The following PKNOX1 variants were observed in gnomAD, a reference collection of about 807,000 sequenced individuals.
PKNOX1 encodes the protein PBX/knotted 1 homeobox 1, also known as homeobox protein PKNOX1.
A neutral mutation model predicts 51.9 loss-of-function variants in PKNOX1; 15 were observed. The ratio of observed to expected loss-of-function variants is 0.29; its 90% CI spans 0.19 to 0.45. The LOEUF (loss-of-function observed/expected upper bound fraction) is 0.45. Among genes scored for constraint, PKNOX1 ranks in the 20% least tolerant of loss-of-function variants. The pLI is 1.00. For missense variants in PKNOX1, 462 were observed against 547.5 expected (o/e 0.84, Z 1.56); for synonymous variants, 219 against 211.1 (o/e 1.04, Z -0.32).
intron 10 of PKNOX1, 157 bp downstream of exon 10, chr21:43,029,031 A>G (rs1054518764): frequency 9.8e-6 from 7 of 712,484 alleles, no homozygotes; most frequent in Non-Finnish European, 1.5e-5. Context: ...AGGAAGCTGC[A>G]TTCTGCGTGC....
chr21:43,012,579 C>T (rs948940117), intron 4 of PKNOX1, among the ~76,000 whole-genome samples: 1 of 152,118 alleles, frequency 6.6e-6, no homozygotes, highest in African/African-American at 2.4e-5. Context: ...AAAAACAAAA[C>T]AAAACAAAAT....
At chr21:43,023,307 G>A (rs187107686) in intron 8 of PKNOX1, among the ~76,000 whole-genome samples, 1 of 152,124 alleles carries the variant, frequency 6.6e-6, no homozygotes, top group Non-Finnish European at 1.5e-5. Flanking sequence ...GTTAGTTTGA[G>A]GAAACAAACC....
chr21:42,995,658 T>C (rs1447507742), intron 1 of PKNOX1, among the ~76,000 whole-genome samples: 1 of 151,874 alleles, frequency 6.6e-6, no homozygotes, highest in East Asian at 1.9e-4. Context: ...AGCCTGGGAA[T>C]AGAGCAAGAA....
At position 43,030,110 on chromosome 21, in the gene PKNOX1, GCA is replaced by G; in HGVS notation, c.*10_*11del. The G allele has an allele frequency of 1.3e-6, 2 of 1,572,314 alleles. No individual in the cohort carries two copies. The highest frequency in any genetic ancestry group is 1.7e-6 in the Non-Finnish European group (2 of 1,152,326). On this transcript the variant is annotated 3_prime_UTR_variant, in exon 11 of 11. Coordinates refer to ENST00000291547, the MANE Select transcript of PKNOX1 (RefSeq NM_004571.5). ...GTGACTCCCTGCAGTAGGGGCAGGAGCAGACGCACCTGACTTTTTGGAGTTTG... is the reference window on the plus strand; with the variant it reads ...GTGACTCCCTGCAGTAGGGGCAGGAGGACGCACCTGACTTTTTGGAGTTTG...
At chr21:43,023,121 C>T (rs1010202976) in intron 8 of PKNOX1, among the ~76,000 whole-genome samples, 1 of 151,962 alleles carries the variant, frequency 6.6e-6, no homozygotes, top group African/African-American at 2.4e-5. Context: ...TGTAGTTTCC[C>T]GCATACTCTG....
chr21:43,028,767 A>C lies in PKNOX1; in HGVS notation c.992A>C (p.Lys331Thr). 1.9e-6 allele frequency: 3 copies of C among 1,614,152 alleles called. No homozygotes were observed. The highest frequency in any genetic ancestry group is 2.5e-6 in the Non-Finnish European group (3 of 1,180,028). The change falls in exon 10 of 11, where the codon AAA becomes ACA. Residue 331 changes from lysine to threonine, a missense_variant. Lys to Thr is a moderately conservative substitution (Grantham distance 78). Transcript: ENST00000291547. ...GATTCAAGTTGTTCAGAGACCCCCA[A>C]AACAAAGAAAAAAACTGCTCAGAAC... ...MLDSSCSETPKTKKKTAQNRP... is the reference protein window; with the variant it reads ...MLDSSCSETPTTKKKTAQNRP...
At chr21:42,981,092 G>A (rs2059023025) in intron 1 of PKNOX1, among the ~76,000 whole-genome samples, 1 of 152,236 alleles carries the variant, frequency 6.6e-6, no homozygotes, top group South Asian at 2.1e-4. Context: ...GCAGGCCCTG[G>A]GAAGTACCAT....
intron 8 of PKNOX1, among the ~76,000 whole-genome samples, chr21:43,022,187 G>A (rs773989730): frequency 1.3e-5 from 2 of 152,216 alleles, no homozygotes; most frequent in African/African-American, 2.4e-5. Context: ...ATTGTTGTGA[G>A]GCTGTGGCCA....
chr21:43,028,477 G>C, intron 9 of PKNOX1: 1 of 550,214 alleles, frequency 1.8e-6, no homozygotes, highest in Non-Finnish European at 3.2e-6. Flanking sequence ...GGACGAGTTG[G>C]TGCTTATTTG....
At chr21:42,989,156 CT>C (rs577968609) in intron 1 of PKNOX1, among the ~76,000 whole-genome samples, 201 of 146,398 alleles carry the variant, frequency 1.4e-3, no homozygotes, top group East Asian at 8.3e-3. Context: ...TAATTTCCAA[CT>C]TTTTTTTTTT....
At chr21:43,000,385 G>A (rs753933283) in intron 1 of PKNOX1, among the ~76,000 whole-genome samples, 25 of 152,308 alleles carry the variant, frequency 1.6e-4, no homozygotes, top group South Asian at 6.2e-4. Context: ...CAATCATGGC[G>A]GAAGGCAAGG....
Position 43,016,985 on chromosome 21 carries a change from C to T in PKNOX1, c.600C>T (p.Asn200=), listed in dbSNP as rs560327670. The part of the protein sequence containing the change: ...VVPASALQQG[N]VAMATVAGGT... ...CGGCGTCCGCGCTGCAGCAGGGAAA[C>T]GTAGCCATGGCGACGGTGGCAGGTA... The change falls in exon 6 of 11, where the codon AAC becomes AAT. Residue 200 remains asparagine (N), a synonymous_variant. Transcript: ENST00000291547. 6.2e-6 allele frequency: 10 copies of T among 1,612,490 alleles called. No individual in the cohort carries two copies. Among genetic ancestry groups the T allele is most frequent in the Admixed American group, 5.0e-5 (3 of 60,022 alleles).
intron 8 of PKNOX1, among the ~76,000 whole-genome samples, chr21:43,023,916 A>ATT (rs71332388): frequency 1.5e-5 from 2 of 136,912 alleles, no homozygotes. Flanking sequence ...ACCTGGCCAG[A>ATT]TTTTTTTTTT....
intron 1 of PKNOX1, among the ~76,000 whole-genome samples, chr21:43,003,493 CTGTT>C: frequency 6.6e-6 from 1 of 152,212 alleles, no homozygotes; most frequent in Non-Finnish European, 1.5e-5. Context: ...TCTGTGTTAG[CTGTT>C]CCCTCTCTCT....
intron 1 of PKNOX1, among the ~76,000 whole-genome samples, chr21:43,002,485 C>G (rs234768): frequency 0.21 from 31,363 of 150,192 alleles, 3,628 homozygotes; most frequent in Non-Finnish European, 0.25. Context: ...ACTGCACCCC[C>G]TTAGTGGCTC....
chr21:43,002,748 G>A (rs1978818638), intron 1 of PKNOX1, among the ~76,000 whole-genome samples: 1 of 152,018 alleles, frequency 6.6e-6, no homozygotes, highest in Non-Finnish European at 1.5e-5. Context: ...ATGGAGTCTC[G>A]CTCTGTCACC....
intron 5 of PKNOX1, among the ~76,000 whole-genome samples, chr21:43,015,215 G>T (rs1979438615): frequency 6.6e-6 from 1 of 152,236 alleles, no homozygotes; most frequent in Admixed American, 6.5e-5. Context: ...GATGATGTTG[G>T]TTGCAGGTTT....
At chr21:42,994,100 G>A (rs1488036243) in intron 1 of PKNOX1, among the ~76,000 whole-genome samples, 5 of 141,238 alleles carry the variant, frequency 3.5e-5, no homozygotes, top group African/African-American at 1.3e-4. Context: ...GAGTACAGTG[G>A]TATGATCACG....
rs377682317 is a variant in PKNOX1, at chr21:43,028,799, G to A, written c.1024G>A (p.Val342Ile). The A allele has an allele frequency of 4.7e-5, 76 of 1,614,052 alleles. No individual in the cohort carries two copies. Among genetic ancestry groups the A allele is most frequent in the Non-Finnish European group, 6.3e-5 (74 of 1,180,040 alleles). ...GAAAAAAACTGCTCAGAACCGGCCA[G>A]TTCAGAGGTTTTGGCCTGATTCTAT... Reference protein sequence around the residue: ...TKKKTAQNRPVQRFWPDSIAS... With the variant: ...TKKKTAQNRPIQRFWPDSIAS... The change falls in exon 10 of 11, where the codon GTT (valine) becomes ATT (isoleucine). Residue 342 changes from valine (V) to isoleucine (I), a missense_variant. By Grantham distance (29) the Val-to-Ile change is conservative (BLOSUM62 3). Around this residue, in one of 5 missense-constraint regions of PKNOX1, gnomAD observed 75 missense variants for 129.8 expected, o/e 0.58. Coordinates refer to ENST00000291547, the MANE Select transcript of PKNOX1 (RefSeq NM_004571.5).
Sources: gnomAD v4.1 joint callset for allele counts (sites outside exome capture counted in the v4.1 genomes callset) on GRCh38, gnomAD v4.1.1 for gene constraint, gnomAD v4.1.1 regional missense constraint, MANE v1.5 for transcripts, NCBI Gene and HGNC (gene_info 2026-07-23, HGNC 2026-07-21) for gene names.